The following DENND2B variants were observed in gnomAD, a reference collection of about 807,000 sequenced individuals.
The protein encoded by DENND2B is DENN domain containing 2B.
DENND2B carries 32 observed loss-of-function variants against 116.0 expected under a neutral mutation model. The ratio of observed to expected loss-of-function variants is 0.28; its 90% confidence interval spans 0.21 to 0.37. The LOEUF is 0.37. DENND2B is among the 10% of genes least tolerant of loss of function. DENND2B has a pLI of 1.00. For missense variants in DENND2B, 1,276 were observed against 1,477.7 expected (o/e 0.86, Z 2.24); for synonymous variants, 588 against 583.9 (o/e 1.01, Z -0.10).
intron 1 of DENND2B, among the ~76,000 whole-genome samples, chr11:8,780,113 C>T (rs570758208): frequency 6.6e-6 from 1 of 152,288 alleles, no homozygotes; most frequent in African/African-American, 2.4e-5. Context: ...ACCATCTTTC[C>T]TCCTTCCATT....
chr11:8,899,663 A>G (rs2064141152), intron 1 of DENND2B, among the ~76,000 whole-genome samples: 1 of 152,216 alleles, frequency 6.6e-6, no homozygotes, highest in African/African-American at 2.4e-5. Context: ...AGACTGAAAA[A>G]ATTTGTTGTT....
intron 1 of DENND2B, among the ~76,000 whole-genome samples, chr11:8,896,657 A>G (rs2064105866): frequency 6.6e-6 from 1 of 152,328 alleles, no homozygotes; most frequent in East Asian, 1.9e-4. Context: ...CCACACAACC[A>G]TTCTGTTTTT....
At chr11:8,697,417 G>T in intron 17 of DENND2B, 108 bp downstream of exon 17, 1 of 804,916 alleles carries the variant, frequency 1.2e-6, no homozygotes, top group Non-Finnish European at 2.1e-6. Context: ...GTCCTCATCA[G>T]CCAGAAAGGG....
intron 17 of DENND2B, 75 bp from the exon 18 acceptor site, chr11:8,696,741 C>T (rs1206805232): frequency 6.4e-7 from 1 of 1,568,528 alleles, no homozygotes; most frequent in Non-Finnish European, 8.6e-7. Context: ...CTGGTGTAGT[C>T]TTCCTCTCCC....
intron 4 of DENND2B, among the ~76,000 whole-genome samples, chr11:8,721,244 C>T (rs1223204059): frequency 1.3e-5 from 2 of 152,014 alleles, no homozygotes; most frequent in East Asian, 3.9e-4. Flanking sequence ...CCCTCTGGGC[C>T]CTGCTCCCAC....
chr11:8,861,529 AC>A (rs1419619606), intron 2 of DENND2B, among the ~76,000 whole-genome samples: 1 of 152,246 alleles, frequency 6.6e-6, no homozygotes, highest in Non-Finnish European at 1.5e-5. Context: ...AAGTCAAAAA[AC>A]AATAGATCTT....
At chr11:8,777,925 C>T (rs1038924455) in intron 1 of DENND2B, among the ~76,000 whole-genome samples, 2 of 152,234 alleles carry the variant, frequency 1.3e-5, no homozygotes, top group African/African-American at 4.8e-5. Flanking sequence ...ATAGCATGAA[C>T]TATTCAGCCT....
chr11:8,909,668 T>C (rs1429311495), intron 1 of DENND2B: 1 of 152,186 alleles, frequency 6.6e-6, no homozygotes, highest in African/African-American at 2.4e-5. Flanking sequence ...ACTGTTATTC[T>C]TTTTTATAAG....
chr11:8,837,537 G>C (rs781027454), intron 4 of DENND2B, among the ~76,000 whole-genome samples: 1 of 152,092 alleles, frequency 6.6e-6, no homozygotes, highest in African/African-American at 2.4e-5. Context: ...TAGTAGAGAT[G>C]GGGTGTCATT....
intron 1 of DENND2B, among the ~76,000 whole-genome samples, chr11:8,779,222 A>C (rs1303484744): frequency 6.6e-6 from 1 of 152,204 alleles, no homozygotes; most frequent in African/African-American, 2.4e-5. Flanking sequence ...CCAGACTGTA[A>C]AGGACAAACA....
At chr11:8,745,611 T>C (rs1487585113) in intron 2 of DENND2B, among the ~76,000 whole-genome samples, 1 of 152,238 alleles carries the variant, frequency 6.6e-6, no homozygotes, top group East Asian at 1.9e-4. Flanking sequence ...TTCCTTTCTC[T>C]TGAACTTGGG....
At chr11:8,788,844 T>C (rs80006474) in intron 1 of DENND2B, among the ~76,000 whole-genome samples, 17 of 152,370 alleles carry the variant, frequency 1.1e-4, no homozygotes, top group African/African-American at 4.1e-4. Context: ...AGCTGCTCTC[T>C]GAACTTGGCC....
chr11:8,739,932 T>C (rs2049896904), intron 2 of DENND2B, among the ~76,000 whole-genome samples: 1 of 152,146 alleles, frequency 6.6e-6, no homozygotes, highest in African/African-American at 2.4e-5. Context: ...ATGCCTCTAA[T>C]TCCAACAATT....
chr11:8,695,397 A>G (rs2040182990), intron 19 of DENND2B, 66 bp downstream of exon 19: 1 of 1,445,534 alleles, frequency 6.9e-7, no homozygotes, highest in Non-Finnish European at 9.7e-7. Context: ...AGTATTCGGG[A>G]ACACAAATCT....
intron 2 of DENND2B, among the ~76,000 whole-genome samples, chr11:8,866,608 G>A (rs2063589799): frequency 6.6e-6 from 1 of 152,190 alleles, no homozygotes; most frequent in African/African-American, 2.4e-5. Context: ...CAAACTGGGA[G>A]AAGGAACCAA....
In DENND2B at chr11:8,693,374, T is replaced by C. The variant is rs966786408; in HGVS notation, c.*722A>G. 1.3e-5 allele frequency: 2 copies of C among 152,692 alleles called. No homozygotes were observed. The highest frequency in any genetic ancestry group is 4.8e-5 in the African/African-American group (2 of 41,432). The allele number at this position is 152,692 out of a possible 1,614,324, so 9.5% of individuals were successfully genotyped here. ...GGCTCTGGGCCCAAACAACTGTACA[T>C]TGTTTATTGAGAACACCCGTAGATG... On this transcript the variant is annotated 3_prime_UTR_variant, in exon 20 of 20. Coordinates refer to ENST00000313726, the MANE Select transcript of DENND2B (RefSeq NM_213618.2).
chr11:8,717,611 G>A, intron 5 of DENND2B, 130 bp downstream of exon 5: 4 of 1,163,478 alleles, frequency 3.4e-6, no homozygotes, highest in Non-Finnish European at 3.5e-6. Context: ...GGGTGGTATG[G>A]CCGTAGACCC....
intron 13 of DENND2B, among the ~76,000 whole-genome samples, chr11:8,704,999 C>T (rs1044897921): frequency 1.3e-5 from 2 of 152,096 alleles, no homozygotes; most frequent in South Asian, 2.1e-4. Flanking sequence ...CCACGGTGCC[C>T]GGTCTGACCT....
chr11:8,819,108 G>C (rs1257437092), intron 4 of DENND2B, among the ~76,000 whole-genome samples: 1 of 152,172 alleles, frequency 6.6e-6, no homozygotes, highest in Non-Finnish European at 1.5e-5. Context: ...AGAAGTTTAA[G>C]GAGAGGCGGG....
Sources: gnomAD v4.1 joint callset for allele counts (sites outside exome capture counted in the v4.1 genomes callset) on GRCh38, gnomAD v4.1.1 for gene constraint, MANE v1.5 for transcripts, NCBI Gene and HGNC (gene_info 2026-07-23, HGNC 2026-07-21) for gene names.